The following GRIK1 variants were observed in gnomAD, a reference collection of about 807,000 sequenced individuals.
GRIK1 encodes the protein glutamate ionotropic receptor kainate type subunit 1.
Under a neutral mutation model 105.7 loss-of-function variants are expected in GRIK1, and 69 were observed. The ratio of observed to expected loss-of-function variants is 0.65; its 90% CI spans 0.54 to 0.80. The LOEUF (loss-of-function observed/expected upper bound fraction) is 0.80, where lower values mean the gene tolerates loss of function less well. Among genes scored for constraint, GRIK1 ranks in the 30% least tolerant of loss-of-function variants. GRIK1 has a pLI of 0.00. For synonymous variants in GRIK1, 438 were observed against 431.3 expected, an observed-to-expected ratio of 1.02 and a Z score of -0.19; for missense variants, 1,109 against 1,167.3, an observed-to-expected ratio of 0.95 and a Z score of 0.73.
At chr21:29,582,308 T>A in intron 12 of GRIK1, 1 of 467,884 alleles carries the variant, frequency 2.1e-6, no homozygotes, top group South Asian at 1.6e-5. Flanking sequence ...AAATTTGTTT[T>A]CAGAACCATG....
At chr21:29,803,387 A>G (rs369686801) in intron 1 of GRIK1, among the ~76,000 whole-genome samples, 2 of 152,204 alleles carry the variant, frequency 1.3e-5, no homozygotes, top group Admixed American at 6.5e-5. Flanking sequence ...TATGCACCAC[A>G]TAAGCAAATG....
At chr21:29,926,159 G>T (rs773989908) in intron 1 of GRIK1, among the ~76,000 whole-genome samples, 2 of 150,486 alleles carry the variant, frequency 1.3e-5, no homozygotes, top group Admixed American at 6.6e-5. Flanking sequence ...TTTCTGTTAA[G>T]ATTTCTTTAT....
At chr21:29,743,524 C>T (rs1022325561) in intron 1 of GRIK1, among the ~76,000 whole-genome samples, 2 of 151,906 alleles carry the variant, frequency 1.3e-5, no homozygotes, top group African/African-American at 2.4e-5. Context: ...AGTGAAACTC[C>T]GTCTGTACTA....
intron 1 of GRIK1, among the ~76,000 whole-genome samples, chr21:29,837,358 A>G (rs1004978198): frequency 4.6e-5 from 7 of 152,208 alleles, no homozygotes; most frequent in African/African-American, 1.4e-4. Flanking sequence ...TTCTCTTCCG[A>G]AAGCCTTTAG....
chr21:29,732,829 C>G (rs1412212340), intron 1 of GRIK1, among the ~76,000 whole-genome samples: 1 of 152,100 alleles, frequency 6.6e-6, no homozygotes, highest in Non-Finnish European at 1.5e-5. Context: ...TAACTACATC[C>G]TAGTTCTGTG....
intron 1 of GRIK1, among the ~76,000 whole-genome samples, chr21:29,835,565 C>G (rs1443248263): frequency 6.6e-6 from 1 of 152,150 alleles, no homozygotes; most frequent in South Asian, 2.1e-4. Context: ...ATGCACATCT[C>G]CAAACAACTG....
intron 6 of GRIK1, among the ~76,000 whole-genome samples, chr21:29,649,885 C>T (rs363585): frequency 0.013 from 2,008 of 152,230 alleles, 41 homozygotes; most frequent in African/African-American, 0.045. Flanking sequence ...CAGAGGATTT[C>T]GAACCATATT....
intron 1 of GRIK1, among the ~76,000 whole-genome samples, chr21:29,858,126 C>T (rs468232): frequency 0.34 from 50,988 of 151,944 alleles, 9,573 homozygotes; most frequent in African/African-American, 0.51. Flanking sequence ...CTCGAACTCC[C>T]GGCCCCAAGT....
intron 1 of GRIK1, among the ~76,000 whole-genome samples, chr21:29,913,010 C>T (rs908132373): frequency 6.6e-6 from 1 of 152,080 alleles, no homozygotes. Flanking sequence ...ACATGACGTA[C>T]TTAATACATG....
chr21:29,563,533 G>C (rs2090536707), intron 14 of GRIK1, among the ~76,000 whole-genome samples: 1 of 152,166 alleles, frequency 6.6e-6, no homozygotes, highest in Admixed American at 6.5e-5. Flanking sequence ...TGCAGCTCAT[G>C]TCCCCATAAC....
At chr21:29,733,227 C>T (rs2064686180) in intron 1 of GRIK1, among the ~76,000 whole-genome samples, 1 of 151,942 alleles carries the variant, frequency 6.6e-6, no homozygotes, top group African/African-American at 2.4e-5. Context: ...AGAGCCTTAT[C>T]CAGAGCTGGT....
chr21:29,621,407 T>TG (rs1459730983), intron 7 of GRIK1, among the ~76,000 whole-genome samples: 12 of 151,860 alleles, frequency 7.9e-5, no homozygotes, highest in East Asian at 3.9e-4. Context: ...TGTGTGTGTG[T>TG]GTGTGGGGAA....
At chr21:29,830,230 T>A (rs1367521605) in intron 1 of GRIK1, among the ~76,000 whole-genome samples, 1 of 152,046 alleles carries the variant, frequency 6.6e-6, no homozygotes, top group East Asian at 1.9e-4. Context: ...AGAGTGTCTG[T>A]GTGTCTGTGT....
At chr21:29,573,742 G>A (rs112314417) in intron 14 of GRIK1, among the ~76,000 whole-genome samples, 8,473 of 151,970 alleles carry the variant, frequency 0.056, 411 homozygotes, top group African/African-American at 0.13. Flanking sequence ...CCAGCTACTC[G>A]GGGGGCTGAG....
At chr21:29,549,358 A>G (rs2090093774) in intron 16 of GRIK1, among the ~76,000 whole-genome samples, 1 of 152,214 alleles carries the variant, frequency 6.6e-6, no homozygotes, top group Non-Finnish European at 1.5e-5. Flanking sequence ...AAAAAAATGT[A>G]AGAAAAGCTA....
At chr21:29,867,217 A>T (rs1364229989) in intron 1 of GRIK1, among the ~76,000 whole-genome samples, 2 of 152,136 alleles carry the variant, frequency 1.3e-5, no homozygotes, top group South Asian at 4.1e-4. Flanking sequence ...GAGCTGCTTT[A>T]GTGAATTAGA....
chr21:29,687,850 A>T (rs1218869172), intron 3 of GRIK1, among the ~76,000 whole-genome samples: 1 of 152,212 alleles, frequency 6.6e-6, no homozygotes, highest in Non-Finnish European at 1.5e-5. Flanking sequence ...TCTTAAATTA[A>T]ATCCACGAGT....
At chr21:29,896,049 C>G (rs191492132) in intron 1 of GRIK1, among the ~76,000 whole-genome samples, 3 of 152,276 alleles carry the variant, frequency 2.0e-5, no homozygotes, top group African/African-American at 4.8e-5. Flanking sequence ...ATCTCCCTCG[C>G]TTTTTTCCAA....
chr21:29,671,404 ATTT>A (rs546244357), intron 4 of GRIK1, among the ~76,000 whole-genome samples: 4 of 142,260 alleles, frequency 2.8e-5, no homozygotes, highest in Admixed American at 1.4e-4. Flanking sequence ...TTTAAATAGA[ATTT>A]TTTTTTTTTT....
Sources: allele counts gnomAD v4.1 joint callset (sites outside exome capture counted in the v4.1 genomes callset), GRCh38; gene constraint gnomAD v4.1.1; transcripts MANE v1.5; gene names NCBI Gene and HGNC (gene_info 2026-07-23, HGNC 2026-07-21).